Variants in TTC5 observed in about 807,000 individuals in gnomAD.
The protein encoded by TTC5 is tetratricopeptide repeat domain 5.
Under a neutral mutation model 57.4 loss-of-function variants are expected in TTC5, and 46 were observed. That is an observed-to-expected ratio of 0.80 (90% CI 0.63 to 1.03). The LOEUF (loss-of-function observed/expected upper bound fraction) is 1.03. Among genes scored for constraint, TTC5 ranks in the 50% least tolerant of loss-of-function variants. The pLI, the probability that TTC5 is intolerant of heterozygous loss-of-function variation, is 0.00. For synonymous variants in TTC5, 190 were observed against 203.5 expected, an observed-to-expected ratio of 0.93 and a Z score of 0.57; for missense variants, 504 against 528.1, an observed-to-expected ratio of 0.95 and a Z score of 0.45.
chr14:20,303,413 G>A (rs139553098), intron 1 of TTC5, among the ~76,000 whole-genome samples: 2 of 152,278 alleles, frequency 1.3e-5, no homozygotes, highest in African/African-American at 4.8e-5. Flanking sequence ...CGAGTCCTAA[G>A]CATTTCAGAT....
Position 20,296,590 on chromosome 14 carries a change from C to T in TTC5, c.640-144G>A, listed in dbSNP as rs1033241067. 8 of 687,204 alleles carry T rather than the reference C, an allele frequency of 1.2e-5. No homozygotes were observed. In the Admixed American group the frequency reaches 1.6e-4, roughly 14 times the overall value. 42.6% of individuals were successfully genotyped at this position (687,204 alleles called of 1,614,324 possible). A position where few individuals can be genotyped will look rare whatever the true frequency, so the allele number is the denominator to read the frequency against. ...GTATTTATACCACAGAAGCAGTTAC[C>T]GTATAACAGTGTGGATATCTTAGTC... On this transcript the variant is annotated intron_variant, in intron 5 of 9. Transcript: ENST00000258821.
chr14:20,303,193 A>C (rs1406908546), intron 1 of TTC5, among the ~76,000 whole-genome samples: 1 of 150,770 alleles, frequency 6.6e-6, no homozygotes, highest in Non-Finnish European at 1.5e-5. Flanking sequence ...TCCGTCTCAA[A>C]AAAAAAAAAA....
chr14:20,296,488 T>C (rs1882066820), intron 5 of TTC5, 42 bp from the exon 6 acceptor site: 13 of 1,486,656 alleles, frequency 8.7e-6, no homozygotes, highest in Non-Finnish European at 1.2e-5. Flanking sequence ...CCTGTCTCAA[T>C]GTTAAGGACT....
intron 1 of TTC5, among the ~76,000 whole-genome samples, chr14:20,304,072 G>A (rs1882243279): frequency 6.6e-6 from 1 of 151,982 alleles, no homozygotes; most frequent in Admixed American, 6.5e-5. Flanking sequence ...AAATCATGTG[G>A]CCTATCATTA....
chr14:20,292,076 G>A lies in TTC5; in HGVS notation c.1110C>T (p.Tyr370=). Residue 370 remains tyrosine, a synonymous_variant, in exon 9 of 10, where the codon TAC becomes TAT. Coordinates refer to ENST00000258821, the MANE Select transcript of TTC5 (RefSeq NM_138376.3). ...SDGPCYAVMV[Y]NIVQSWGVLI... ...GCACTCCCCAGCTCTGCACTATATT[G>A]TACACCATCACTGCATAGCAAGGTC... The A allele has an allele frequency of 6.3e-7, 1 of 1,597,120 alleles. No homozygotes were observed. The highest frequency in any genetic ancestry group is 8.5e-7 in the Non-Finnish European group (1 of 1,171,822).
intron 7 of TTC5, 27 bp downstream of exon 7, chr14:20,295,681 G>C (rs376345754): frequency 1.8e-4 from 283 of 1,566,760 alleles, no homozygotes; most frequent in Middle Eastern, 1.2e-3. Flanking sequence ...AAAAAAAAGT[G>C]GAATTCAGCC....
In TTC5 at chr14:20,300,805, G is replaced by C; in HGVS notation, c.198C>G (p.Gly66=). 6.2e-7 allele frequency: 1 copy of C among 1,611,952 alleles called. No homozygotes were observed. Among genetic ancestry groups the C allele is most frequent in the Non-Finnish European group, 8.5e-7 (1 of 1,179,314 alleles). Residue 66 remains glycine (G), a synonymous_variant, in exon 3 of 10, where the codon GGC becomes GGG. Transcript: ENST00000258821. ...QMEEVVGSVQ[G]KAQVLMLTGK... is the part of the protein sequence containing the mutation. ...CAGTTAGCATTAGAACTTGTGCCTT[G>C]CCCTGGACAGAACCTAAGAGGAAGA...
Position 20,298,789 on chromosome 14 carries a change from G to A in TTC5, c.639+8C>T. The A allele has an allele frequency of 6.2e-7, 1 of 1,603,472 alleles. No homozygotes were observed. Among genetic ancestry groups the A allele is most frequent in the Non-Finnish European group, 8.5e-7 (1 of 1,170,322 alleles). ...TATTCATCTGGCCTGGTGACCATAA[G>A]TACTTACTGCTTGGGCATAGGCACT... On this transcript the variant is annotated splice_region_variant and intron_variant, in intron 5 of 9. Transcript: ENST00000258821.
At chr14:20,299,154 A>C in intron 4 of TTC5, 144 bp downstream of exon 4, 1 of 923,436 alleles carries the variant, frequency 1.1e-6, no homozygotes, top group Non-Finnish European at 1.6e-6. Context: ...TAGTTCCCCA[A>C]AATGTCTTTC....
intron 9 of TTC5, among the ~76,000 whole-genome samples, chr14:20,290,754 A>T (rs1010233690): frequency 6.6e-5 from 10 of 152,228 alleles, no homozygotes; most frequent in Non-Finnish European, 1.3e-4. Context: ...CTGTGTTTCT[A>T]ATTTTTTTTC....
Position 20,305,902 on chromosome 14 carries a change from G to C in TTC5, c.36C>G (p.Ile12Met), listed in dbSNP as rs1387808455. 2 of 1,613,970 alleles carry C rather than the reference G, an allele frequency of 1.2e-6. No homozygotes were observed. The highest frequency in any genetic ancestry group is 8.5e-7 in the Non-Finnish European group (1 of 1,180,030). The change falls in exon 1 of 10, where the codon ATC (isoleucine) becomes ATG (methionine). Residue 12 changes from isoleucine to methionine, a missense_variant. Physicochemically the swap from Ile to Met is conservative, Grantham distance 10. Transcript: ENST00000258821. ...ACGGCCCCACCTGCAATTTCTGCAA[G>C]ATCGGCTTGACTTCTTCCTCTTCAT... is the stretch of plus-strand genomic sequence containing the variant. Reference protein sequence around the residue: ...MADEEEEVKPILQKLQELVDQ... With the variant: ...MADEEEEVKPMLQKLQELVDQ...
At position 20,288,486 on chromosome 14, in the gene TTC5, G is replaced by C. The variant is rs552785993; in HGVS notation, c.*1141C>G. On this transcript the variant is annotated 3_prime_UTR_variant, in exon 10 of 10. Coordinates refer to ENST00000258821, the MANE Select transcript of TTC5 (RefSeq NM_138376.3). The stretch of plus-strand genomic sequence containing the variant: ...TGCTGGAGTGCAGTGGCATGATATC[G>C]GCTCACTGCAACCTCCACTTCCCAG... The C allele has an allele frequency of 6.6e-6, 1 of 152,248 alleles. No individual in the cohort carries two copies. Among genetic ancestry groups the C allele is most frequent in the African/African-American group, 2.4e-5 (1 of 41,444 alleles). 9.4% of individuals were successfully genotyped at this position (152,248 alleles called of 1,614,324 possible).
intron 4 of TTC5, 140 bp downstream of exon 4, chr14:20,299,158 G>T: frequency 1.1e-6 from 1 of 932,142 alleles, no homozygotes; most frequent in Non-Finnish European, 1.6e-6. Flanking sequence ...TCCCCAAAAT[G>T]TCTTTCGTGT....
intron 1 of TTC5, 169 bp downstream of exon 1, chr14:20,305,718 G>A (rs763968354): frequency 6.1e-6 from 4 of 660,772 alleles, no homozygotes; most frequent in Non-Finnish European, 1.1e-5. Flanking sequence ...AGGTTCCAAC[G>A]AGGCTCCCTG....
At chr14:20,302,799 G>T (rs1882217959) in intron 1 of TTC5, among the ~76,000 whole-genome samples, 1 of 152,140 alleles carries the variant, frequency 6.6e-6, no homozygotes, top group Non-Finnish European at 1.5e-5. Context: ...TCAAAATGCG[G>T]TCAAAACGTT....
chr14:20,300,117 G>A lies in TTC5; in HGVS notation c.396+490C>T, dbSNP rs536781643. 4.7e-5 allele frequency among the ~76,000 whole-genome samples: 6 copies of A among 128,668 alleles called. No homozygotes were observed. In the East Asian group the frequency reaches 1.4e-3, roughly 30 times the overall value. The allele number at this position is 128,668 out of a possible 152,430, so 84.4% of individuals were successfully genotyped here. A position where few individuals can be genotyped will look rare whatever the true frequency, so the allele number is the denominator to read the frequency against. ...GGCCTCCCAAAGTGCTGGGATTACA[G>A]GCATGAGTCACCACGTCTGGTCCAT... On this transcript the variant is annotated intron_variant, in intron 3 of 9. Transcript: ENST00000258821.
In TTC5 at chr14:20,295,414, AG is replaced by A; in HGVS notation, c.955del (p.Leu319TrpfsTer6). 1 of 1,614,188 alleles carries A rather than the reference AG, an allele frequency of 6.2e-7. No homozygotes were observed. Among genetic ancestry groups the A allele is most frequent in the Non-Finnish European group, 8.5e-7 (1 of 1,180,032 alleles). On this transcript the variant is annotated frameshift_variant, in exon 8 of 10. Coordinates refer to ENST00000258821, the MANE Select transcript of TTC5 (RefSeq NM_138376.3). LOFTEE classifies it high-confidence loss of function. ...AAGCGTACTCAGTGGCTTGAGCTCC[AG>A]GGTCACTTTCTGCCCAGAGGCTGAC... ...YQSASGQKVT[L>X]ELKPLSTLQP...
chr14:20,305,800 G>T, intron 1 of TTC5, 87 bp downstream of exon 1: 1 of 1,324,362 alleles, frequency 7.6e-7, no homozygotes, highest in African/African-American at 1.4e-5. Context: ...CGTGTGTGCC[G>T]AGGAATTCAC....
chr14:20,288,650 G>C lies in TTC5; in HGVS notation c.*977C>G, dbSNP rs375897342. 6.6e-6 allele frequency: 1 copy of C among 152,304 alleles called. No homozygotes were observed. The highest frequency in any genetic ancestry group is 1.9e-4 in the East Asian group (1 of 5,178). 9.4% of individuals were successfully genotyped at this position (152,304 alleles called of 1,614,324 possible). A position where few individuals can be genotyped will look rare whatever the true frequency, so the allele number is the denominator to read the frequency against. On this transcript the variant is annotated 3_prime_UTR_variant, in exon 10 of 10. Coordinates refer to ENST00000258821, the MANE Select transcript of TTC5 (RefSeq NM_138376.3). ...AGGCTGATCTTGAACTCCTGACCTC[G>C]TGATCCACCCGCCTTGGACTCCCAA...
Sources: gnomAD v4.1 joint callset for allele counts (sites outside exome capture counted in the v4.1 genomes callset) on GRCh38, gnomAD v4.1.1 for gene constraint, MANE v1.5 for transcripts, NCBI Gene and HGNC (gene_info 2026-07-23, HGNC 2026-07-21) for gene names.